MEMO1: variants seen among roughly 807,000 people sequenced by gnomAD.
MEMO1 encodes the protein protein MEMO1.
In MEMO1, 6 loss-of-function variants were observed where a neutral mutation model predicts 45.2. The ratio of observed to expected loss-of-function variants is 0.13; its 90% confidence interval spans 0.07 to 0.26. The LOEUF is 0.26. Ranked by LOEUF, MEMO1 falls within the 10% of genes least tolerant of loss-of-function variation. The pLI is 1.00. For missense variants in MEMO1, 184 were observed against 370.5 expected (o/e 0.50, Z 4.13); for synonymous variants, 78 against 124.3 (o/e 0.63, Z 2.48).
At chr2:31,973,951 A>G (rs963878955) in intron 2 of MEMO1, among the ~76,000 whole-genome samples, 10 of 152,228 alleles carry the variant, frequency 6.6e-5, no homozygotes, top group African/African-American at 2.4e-4. Flanking sequence ...TATAATTGCT[A>G]ATTTGTATTA....
At chr2:31,930,811 ATTT>A (rs376524077) in intron 4 of MEMO1, among the ~76,000 whole-genome samples, 2 of 126,092 alleles carry the variant, frequency 1.6e-5, no homozygotes, top group African/African-American at 3.1e-5. Flanking sequence ...ACGCCTGGCA[ATTT>A]TTTTTTTTTT....
chr2:31,877,562 C>T lies in MEMO1; in HGVS notation c.657+5824G>A, dbSNP rs555508348. Among the ~76,000 whole-genome samples the T allele has an allele frequency of 3.3e-5, 5 of 152,216 alleles. No individual in the cohort carries two copies. In the South Asian group the frequency reaches 1.0e-3, roughly 32 times the overall value. ...TACAATGAGTTTCCCAGGAATAAAACTATCATGTAAAGTGAGGGAAGACTG... is the reference window on the plus strand; with the variant it reads ...TACAATGAGTTTCCCAGGAATAAAATTATCATGTAAAGTGAGGGAAGACTG... On this transcript the variant is annotated intron_variant, in intron 8 of 9. Transcript: ENST00000404530.
rs113705847 is a variant in MEMO1, at chr2:31,986,365, G to A, written c.61+23822C>T. ...CGGGGGCTTGTAGTCCCAGCCAGTCGGGAGGCTGAGACAGGAGAATGGCAT... is the reference window on the plus strand; with the variant it reads ...CGGGGGCTTGTAGTCCCAGCCAGTCAGGAGGCTGAGACAGGAGAATGGCAT... On this transcript the variant is annotated intron_variant, in intron 2 of 9. Coordinates refer to ENST00000404530, the MANE Select transcript of MEMO1 (RefSeq NM_001301833.4). 2.9e-3 allele frequency among the ~76,000 whole-genome samples: 442 copies of A among 152,122 alleles called. 4 individuals carry two copies. The highest frequency in any genetic ancestry group is 9.9e-3 in the African/African-American group (413 of 41,520).
rs544041900 is a variant in MEMO1 at position 31,985,690 on chromosome 2, A to G, written c.61+24497T>C. 3.9e-5 allele frequency among the ~76,000 whole-genome samples: 6 copies of G among 152,372 alleles called. No individual in the cohort carries two copies. The East Asian group carries it at 9.6e-4, about 24-fold the overall frequency. The stretch of plus-strand genomic sequence containing the variant: ...TTTACATGGCTTTTAACAATTGTTT[A>G]GAATCACATTTACTCATTTATTAAT... On this transcript the variant is annotated intron_variant, in intron 2 of 9. Transcript: ENST00000404530.
intron 6 of MEMO1, among the ~76,000 whole-genome samples, chr2:31,911,781 C>T (rs1680603947): frequency 6.6e-6 from 1 of 152,088 alleles, no homozygotes; most frequent in Admixed American, 6.5e-5. Context: ...GCTGGGACCA[C>T]AGGTGTGCAC....
intron 2 of MEMO1, among the ~76,000 whole-genome samples, chr2:31,982,847 T>C (rs2148508438): frequency 6.6e-6 from 1 of 152,040 alleles, no homozygotes; most frequent in Admixed American, 6.5e-5. Flanking sequence ...TTCTCAATGT[T>C]GAGGAGAGAA....
At chr2:31,993,979 G>A (rs1440900824) in intron 2 of MEMO1, among the ~76,000 whole-genome samples, 1 of 8,324 alleles carries the variant, frequency 1.2e-4, no homozygotes, top group Non-Finnish European at 2.4e-4. Context: ...TTTTTTTTTT[G>A]AGACAGAGTC....
intron 4 of MEMO1, among the ~76,000 whole-genome samples, chr2:31,931,643 A>G (rs1346941470): frequency 6.6e-6 from 1 of 152,138 alleles, no homozygotes; most frequent in African/African-American, 2.4e-5. Context: ...GTCAGATTCT[A>G]AAATATTTCA....
intron 2 of MEMO1, among the ~76,000 whole-genome samples, chr2:31,954,868 A>T (rs1667232787): frequency 6.6e-6 from 1 of 151,702 alleles, no homozygotes; most frequent in Non-Finnish European, 1.5e-5. Flanking sequence ...CCTAGGTTTT[A>T]TCCCAGAGAT....
intron 7 of MEMO1, among the ~76,000 whole-genome samples, chr2:31,884,335 T>C (rs1483439053): frequency 6.6e-6 from 1 of 152,124 alleles, no homozygotes; most frequent in Non-Finnish European, 1.5e-5. Flanking sequence ...CAGTGCCTTT[T>C]TTCTAAGAAC....
At chr2:31,898,561 T>C (rs1215682043) in intron 6 of MEMO1, among the ~76,000 whole-genome samples, 2 of 152,218 alleles carry the variant, frequency 1.3e-5, no homozygotes, top group Admixed American at 1.3e-4. Context: ...TCTAATTTGA[T>C]TGCACTGTGA....
intron 6 of MEMO1, among the ~76,000 whole-genome samples, chr2:31,892,474 G>A (rs1386677623): frequency 1.3e-5 from 2 of 152,176 alleles, no homozygotes; most frequent in Middle Eastern, 3.4e-3. Flanking sequence ...TTCTTTTCAA[G>A]TACTTATCAA....
At chr2:31,897,092 A>G (rs1005425847) in intron 6 of MEMO1, among the ~76,000 whole-genome samples, 2 of 152,226 alleles carry the variant, frequency 1.3e-5, no homozygotes, top group Non-Finnish European at 2.9e-5. Flanking sequence ...ACTTCACTGA[A>G]GTTGCTTATC....
At chr2:31,925,423 C>G (rs914454709) in intron 4 of MEMO1, among the ~76,000 whole-genome samples, 1 of 137,400 alleles carries the variant, frequency 7.3e-6, no homozygotes, top group African/African-American at 2.8e-5. Context: ...TTGCAGTGAG[C>G]TGAGATTGTG....
chr2:31,881,946 A>G (rs1675442033), intron 8 of MEMO1, among the ~76,000 whole-genome samples: 1 of 152,150 alleles, frequency 6.6e-6, no homozygotes, highest in Admixed American at 6.5e-5. Context: ...GGAGTCTGAG[A>G]CCAGCCTGGG....
chr2:31,942,559 T>C (rs1261464422), intron 3 of MEMO1, among the ~76,000 whole-genome samples: 2 of 151,894 alleles, frequency 1.3e-5, no homozygotes, highest in African/African-American at 2.4e-5. Context: ...CAGGCTGGAG[T>C]GCAGTGGCAT....
In MEMO1 at chr2:31,933,351, TTATATATATATATATA is replaced by T. The variant is rs370773425; in HGVS notation, c.144-1232_144-1217del. Among the ~76,000 whole-genome samples, 44 of 45,088 alleles carry T rather than the reference TTATATATATATATATA, an allele frequency of 9.8e-4. 1 individual carries two copies. Among genetic ancestry groups the T allele is most frequent in the South Asian group, 4.3e-3 (4 of 934 alleles). 29.6% of individuals were successfully genotyped at this position (45,088 alleles called of 152,430 possible). ...AAAAAAAAAAAAAAAAAAAAAAAAT[TTATATATATATATATA>T]TATATATATATATATAGAAAGGGGA... On this transcript the variant is annotated intron_variant, in intron 3 of 9. Coordinates refer to ENST00000404530, the MANE Select transcript of MEMO1 (RefSeq NM_001301833.4).
intron 2 of MEMO1, among the ~76,000 whole-genome samples, chr2:32,001,093 C>T (rs142838619): frequency 0.013 from 1,803 of 133,786 alleles, 16 homozygotes; most frequent in Non-Finnish European, 0.018. Flanking sequence ...GGCGGGAGTG[C>T]AGTGGCGCAA....
intron 2 of MEMO1, among the ~76,000 whole-genome samples, chr2:31,961,689 G>A (rs1668026387): frequency 6.6e-6 from 1 of 151,628 alleles, no homozygotes; most frequent in African/African-American, 2.4e-5. Context: ...GAGGTGGGAG[G>A]ATCATTTGTG....
Sources: allele counts gnomAD v4.1 joint callset (sites outside exome capture counted in the v4.1 genomes callset), GRCh38; gene constraint gnomAD v4.1.1; transcripts MANE v1.5; gene names NCBI Gene and HGNC (gene_info 2026-07-23, HGNC 2026-07-21).